The following CACNA2D1 variants were observed in gnomAD, a reference collection of about 807,000 sequenced individuals.
The protein encoded by CACNA2D1 is voltage-dependent calcium channel subunit alpha-2/delta-1.
In CACNA2D1, 53 loss-of-function variants were observed where a neutral mutation model predicts 171.5. The ratio of observed to expected loss-of-function variants is 0.31; its 90% confidence interval spans 0.25 to 0.39. The LOEUF is 0.39. Among genes scored for constraint, CACNA2D1 ranks in the 10% least tolerant of loss-of-function variants. The probability of loss-of-function intolerance (pLI) is 1.00; values close to 1 mark genes in which losing one functional copy is unlikely to be tolerated. For synonymous variants in CACNA2D1, 442 were observed against 443.1 expected (o/e 1.00, Z 0.03); for missense variants, 903 against 1,299.8 (o/e 0.69, Z 4.69).
intron 3 of CACNA2D1, among the ~76,000 whole-genome samples, chr7:82,317,322 T>C (rs1394861009): frequency 1.3e-5 from 2 of 152,210 alleles, no homozygotes; most frequent in East Asian, 3.9e-4. Context: ...TGCCTACTTA[T>C]GTGGCAATTT....
intron 1 of CACNA2D1, among the ~76,000 whole-genome samples, chr7:82,438,071 G>T (rs1210318099): frequency 6.6e-6 from 1 of 152,008 alleles, no homozygotes; most frequent in African/African-American, 2.4e-5. Flanking sequence ...TTAATTACTT[G>T]TCAATTATGT....
chr7:82,308,019 C>A (rs1375641461), intron 3 of CACNA2D1, among the ~76,000 whole-genome samples: 3 of 152,166 alleles, frequency 2.0e-5, no homozygotes, highest in Admixed American at 2.0e-4. Context: ...GAATCTTTTT[C>A]AGTGAACTAA....
chr7:82,165,834 GGTGGAA>G (rs1234439176), intron 4 of CACNA2D1, among the ~76,000 whole-genome samples: 6 of 151,962 alleles, frequency 3.9e-5, no homozygotes, highest in African/African-American at 1.4e-4. Context: ...TTCAACCAAA[GGTGGAA>G]ACTAAGAAAG....
chr7:81,975,889 C>T (rs1005439796), intron 24 of CACNA2D1, among the ~76,000 whole-genome samples: 3 of 152,012 alleles, frequency 2.0e-5, no homozygotes, highest in East Asian at 1.9e-4. Context: ...TTGTTTTCTT[C>T]GAAGTCAAAA....
At chr7:82,251,816 G>A (rs960415805) in intron 3 of CACNA2D1, among the ~76,000 whole-genome samples, 6 of 152,146 alleles carry the variant, frequency 3.9e-5, no homozygotes, top group African/African-American at 1.2e-4. Flanking sequence ...GAAGGAGCAG[G>A]AGATAGGATG....
Position 82,425,107 on chromosome 7 carries a change from C to T in CACNA2D1, c.95+18258G>A, listed in dbSNP as rs77514330. Among the ~76,000 whole-genome samples the T allele has an allele frequency of 1.7e-3, 256 of 152,216 alleles. 3 individuals carry two copies. Among genetic ancestry groups the T allele is most frequent in the South Asian group, 6.0e-3 (29 of 4,810 alleles). ...TAACACGATTCTGCAGATGGAATTC[C>T]GATCTCACATCACTTGATTTTCAAT... On this transcript the variant is annotated intron_variant, in intron 1 of 38. Transcript: ENST00000356860.
chr7:82,220,770 CTTTCTTT>C (rs1340465839), intron 3 of CACNA2D1, among the ~76,000 whole-genome samples: 3 of 138,412 alleles, frequency 2.2e-5, no homozygotes, highest in Non-Finnish European at 4.6e-5. Flanking sequence ...AAGTTTCTTT[CTTTCTTT>C]TTTCTTTTTT....
At chr7:82,116,185 G>A (rs992592044) in intron 6 of CACNA2D1, among the ~76,000 whole-genome samples, 6 of 152,246 alleles carry the variant, frequency 3.9e-5, no homozygotes, top group African/African-American at 1.4e-4. Flanking sequence ...TGCAGGATGG[G>A]GTGGAGGGAT....
At chr7:82,024,395 T>C (rs1801629814) in intron 12 of CACNA2D1, among the ~76,000 whole-genome samples, 1 of 151,760 alleles carries the variant, frequency 6.6e-6, no homozygotes, top group South Asian at 2.1e-4. Context: ...ATTTCCCTGA[T>C]GACCAGTAAT....
intron 12 of CACNA2D1, among the ~76,000 whole-genome samples, chr7:82,030,115 T>C (rs1802495241): frequency 6.6e-6 from 1 of 151,780 alleles, no homozygotes; most frequent in South Asian, 2.1e-4. Flanking sequence ...GCAACCTTTG[T>C]TTAAAAAGTT....
intron 1 of CACNA2D1, among the ~76,000 whole-genome samples, chr7:82,415,450 C>A (rs1488091080): frequency 1.3e-5 from 2 of 151,984 alleles, no homozygotes; most frequent in Non-Finnish European, 2.9e-5. Flanking sequence ...AGGAGAATCA[C>A]TTGAACCCAG....
At chr7:81,998,096 G>T (rs911581959) in intron 18 of CACNA2D1, among the ~76,000 whole-genome samples, 1 of 151,868 alleles carries the variant, frequency 6.6e-6, no homozygotes, top group Non-Finnish European at 1.5e-5. Context: ...ATTGCAAAAT[G>T]AAGATTCATT....
At chr7:82,206,931 A>G (rs995728085) in intron 3 of CACNA2D1, among the ~76,000 whole-genome samples, 1 of 152,202 alleles carries the variant, frequency 6.6e-6, no homozygotes, top group Non-Finnish European at 1.5e-5. Context: ...CATTAGACTC[A>G]TTTATAAAGA....
chr7:82,405,217 T>C (rs756314253), intron 1 of CACNA2D1, among the ~76,000 whole-genome samples: 5 of 152,174 alleles, frequency 3.3e-5, no homozygotes, highest in Non-Finnish European at 5.9e-5. Context: ...CAAGTGAAGA[T>C]GTATGCCTAA....
rs182773973 is a variant in CACNA2D1, at chr7:82,169,495, A to G, written c.354+1055T>C. On this transcript the variant is annotated intron_variant, in intron 4 of 38. Coordinates refer to ENST00000356860, the MANE Select transcript of CACNA2D1 (RefSeq NM_000722.4). ...AGTAAAAATAAATAATATCACAAGT[A>G]TCAAGAATGGAAGACTATTATATAC... Among the ~76,000 whole-genome samples, 514 of 152,182 alleles carry G rather than the reference A, an allele frequency of 3.4e-3. 1 individual carries two copies. Among genetic ancestry groups the G allele is most frequent in the Non-Finnish European group, 6.0e-3 (405 of 67,942 alleles).
intron 6 of CACNA2D1, among the ~76,000 whole-genome samples, chr7:82,105,648 C>G (rs568346033): frequency 6.6e-6 from 1 of 151,998 alleles, no homozygotes; most frequent in Non-Finnish European, 1.5e-5. Flanking sequence ...GACTTCTGCT[C>G]TATACTCAAA....
intron 6 of CACNA2D1, among the ~76,000 whole-genome samples, chr7:82,086,692 AG>A (rs1810520189): frequency 1.3e-5 from 2 of 152,296 alleles, no homozygotes; most frequent in Admixed American, 1.3e-4. Context: ...TGATCCAGAT[AG>A]ACTTCATTAA....
chr7:81,947,806 T>C lies in CACNA2D1; in HGVS notation c.*2586A>G, dbSNP rs1792158265. On this transcript the variant is annotated 3_prime_UTR_variant, in exon 39 of 39. Transcript: ENST00000356860. ...ATGAGTGTTACTGTCTTAAAAAATA[T>C]GCTAAAAGCATGAAGACTAATATTA... 3 of 151,954 alleles carry C rather than the reference T, an allele frequency of 2.0e-5. No individual in the cohort carries two copies. Among genetic ancestry groups the C allele is most frequent in the Non-Finnish European group, 4.4e-5 (3 of 67,860 alleles). 9.4% of individuals were successfully genotyped at this position (151,954 alleles called of 1,614,324 possible).
At chr7:82,258,322 A>G (rs1419936955) in intron 3 of CACNA2D1, among the ~76,000 whole-genome samples, 1 of 151,978 alleles carries the variant, frequency 6.6e-6, no homozygotes, top group South Asian at 2.1e-4. Flanking sequence ...AAAAAAAAAA[A>G]GAGCTTTAGT....
Sources: allele counts gnomAD v4.1 joint callset (sites outside exome capture counted in the v4.1 genomes callset), GRCh38; gene constraint gnomAD v4.1.1; transcripts MANE v1.5; gene names NCBI Gene and HGNC (gene_info 2026-07-23, HGNC 2026-07-21).